Variants in PALS1 observed in about 807,000 individuals in gnomAD.
PALS1 encodes the protein protein associated with LIN7 1, MAGUK p55 family member, also known as protein PALS1.
PALS1 carries 31 observed loss-of-function variants against 78.9 expected under a neutral mutation model. The ratio of observed to expected loss-of-function variants is 0.39; its 90% confidence interval spans 0.30 to 0.53. The LOEUF (loss-of-function observed/expected upper bound fraction) is 0.53. PALS1 is among the 20% of genes least tolerant of loss of function. The probability of loss-of-function intolerance (pLI) is 0.67; values close to 1 mark genes in which losing one functional copy is unlikely to be tolerated. For missense variants in PALS1, 704 were observed against 826.5 expected (o/e 0.85, Z 1.82); for synonymous variants, 276 against 270.9 (o/e 1.02, Z -0.18).
intron 2 of PALS1, 63 bp from the exon 3 acceptor site, chr14:67,278,955 C>G (rs887722918): frequency 2.4e-6 from 1 of 418,402 alleles, no homozygotes; most frequent in Non-Finnish European, 4.2e-6. Flanking sequence ...GAAGTGGGCT[C>G]TGTAAAAACC....
chr14:67,261,846 T>C (rs189791625), intron 1 of PALS1, among the ~76,000 whole-genome samples: 1 of 152,220 alleles, frequency 6.6e-6, no homozygotes, highest in Non-Finnish European at 1.5e-5. Flanking sequence ...TCTGTTAGCA[T>C]ATGTAACAGT....
chr14:67,321,147 G>C lies in PALS1; in HGVS notation c.1628G>C (p.Gly543Ala). The part of the protein sequence containing the change: ...RQAFEADIAA[G>A]KFIEHGEFEK... ...GCATTCGAGGCAGACATAGCAGCTG[G>C]AAAGTTCATTGAGCATGGTGAATTT... The change falls in exon 13 of 15, where the codon GGA becomes GCA. Residue 543 changes from glycine to alanine, a missense_variant. By Grantham distance (60) the Gly-to-Ala change is moderately conservative. Coordinates refer to ENST00000261681, the MANE Select transcript of PALS1 (RefSeq NM_022474.4). The C allele has an allele frequency of 6.2e-7, 1 of 1,614,182 alleles. No individual in the cohort carries two copies. The highest frequency in any genetic ancestry group is 8.5e-7 in the Non-Finnish European group (1 of 1,180,034).
chr14:67,327,434 ACTT>A, intron 14 of PALS1, among the ~76,000 whole-genome samples: 2 of 150,934 alleles, frequency 1.3e-5, no homozygotes, highest in South Asian at 4.2e-4. Flanking sequence ...AGGACGGATC[ACTT>A]TTTTTTTTTC....
rs149859529 is a variant in PALS1, at chr14:67,293,125, C to T, written c.576+406C>T. ...ATATAACGCCTAAGATTTATTATGT[C>T]TAGGTATTTGGAAGTTTTCCTCCTA... On this transcript the variant is annotated intron_variant, in intron 4 of 14. Transcript: ENST00000261681. 4.8e-3 allele frequency among the ~76,000 whole-genome samples: 731 copies of T among 152,046 alleles called. 11 individuals carry two copies. Among genetic ancestry groups the T allele is most frequent in the African/African-American group, 0.017 (702 of 41,496 alleles).
At chr14:67,279,797 A>G (rs1187005933) in intron 3 of PALS1, 1 of 368,962 alleles carries the variant, frequency 2.7e-6, no homozygotes, top group Non-Finnish European at 4.8e-6. Context: ...GGGCCCTAAC[A>G]TTTAAAGCCT....
intron 8 of PALS1, among the ~76,000 whole-genome samples, chr14:67,306,471 G>A (rs994561632): frequency 6.6e-6 from 1 of 151,910 alleles, no homozygotes; most frequent in Admixed American, 6.6e-5. Context: ...AGCCTCCCAA[G>A]TAGCTGGGAT....
intron 1 of PALS1, among the ~76,000 whole-genome samples, chr14:67,260,479 T>C (rs1009884404): frequency 6.6e-6 from 1 of 152,226 alleles, no homozygotes; most frequent in Non-Finnish European, 1.5e-5. Context: ...CCTCGGGGGC[T>C]TGCAATTAAT....
intron 4 of PALS1, among the ~76,000 whole-genome samples, chr14:67,299,841 G>A (rs1321233828): frequency 6.6e-6 from 1 of 152,178 alleles, no homozygotes; most frequent in Non-Finnish European, 1.5e-5. Flanking sequence ...CTGACTCAGT[G>A]TATTTTGTAT....
intron 8 of PALS1, among the ~76,000 whole-genome samples, chr14:67,308,064 A>C (rs1234884545): frequency 6.6e-6 from 1 of 152,038 alleles, no homozygotes; most frequent in African/African-American, 2.4e-5. Context: ...AACAACACAC[A>C]CTAGGGTCTT....
At chr14:67,280,963 CT>C (rs567184360) in intron 3 of PALS1, among the ~76,000 whole-genome samples, 256 of 149,918 alleles carry the variant, frequency 1.7e-3, no homozygotes, top group African/African-American at 5.8e-3. Context: ...GTGGTGCAAT[CT>C]TCGGCTCACA....
intron 1 of PALS1, among the ~76,000 whole-genome samples, chr14:67,258,897 A>G (rs1028347851): frequency 6.6e-6 from 1 of 151,954 alleles, no homozygotes; most frequent in Non-Finnish European, 1.5e-5. Flanking sequence ...GCTAGAGTGC[A>G]GTGGTGTGAT....
chr14:67,267,713 T>C (rs2084350576), intron 1 of PALS1, among the ~76,000 whole-genome samples: 1 of 152,230 alleles, frequency 6.6e-6, no homozygotes, highest in Admixed American at 6.5e-5. Flanking sequence ...TAGGACACTT[T>C]TATCACATGA....
intron 2 of PALS1, among the ~76,000 whole-genome samples, chr14:67,274,076 T>A (rs1243259918): frequency 6.6e-6 from 1 of 152,246 alleles, no homozygotes; most frequent in African/African-American, 2.4e-5. Flanking sequence ...GTAGGTTGCC[T>A]GTTCACTCTG....
At chr14:67,252,809 A>C (rs1055268103) in intron 1 of PALS1, among the ~76,000 whole-genome samples, 1 of 152,212 alleles carries the variant, frequency 6.6e-6, no homozygotes, top group Non-Finnish European at 1.5e-5. Context: ...CCTTGCTGTG[A>C]GCTAAATATT....
At position 67,321,222 on chromosome 14, in the gene PALS1, A is replaced by C. The variant is rs1037326665; in HGVS notation, c.1703A>C (p.Asn568Thr). Reference sequence around the variant, plus strand: ...ATAGATTCTGTACGGCAAGTGATCAACTCTGGCAAAATATGTCTTTTAAGT... The same window carrying C: ...ATAGATTCTGTACGGCAAGTGATCACCTCTGGCAAAATATGTCTTTTAAGT... ...TSIDSVRQVINSGKICLLSLR... is the reference protein window; with the variant it reads ...TSIDSVRQVITSGKICLLSLR... The change falls in exon 13 of 15, where the codon AAC becomes ACC. Residue 568 changes from asparagine (N) to threonine (T), a missense_variant. Physicochemically the swap from Asn to Thr is moderately conservative, Grantham distance 65. Transcript: ENST00000261681. 1.2e-6 allele frequency: 2 copies of C among 1,614,214 alleles called. No homozygotes were observed. The highest frequency in any genetic ancestry group is 1.7e-6 in the Non-Finnish European group (2 of 1,180,044).
intron 1 of PALS1, among the ~76,000 whole-genome samples, chr14:67,242,855 G>A (rs1029444964): frequency 6.6e-6 from 1 of 152,168 alleles, no homozygotes; most frequent in African/African-American, 2.4e-5. Flanking sequence ...AAATTAAGGT[G>A]GATTGATTAA....
intron 1 of PALS1, among the ~76,000 whole-genome samples, chr14:67,250,472 A>G (rs1241264257): frequency 6.6e-6 from 1 of 152,230 alleles, no homozygotes; most frequent in African/African-American, 2.4e-5. Context: ...TGAAAACTGT[A>G]TAAACTCCAG....
At position 67,329,932 on chromosome 14, in the gene PALS1, C is replaced by T. The variant is rs1222841150; in HGVS notation, c.1852-2848C>T. 8.6e-5 allele frequency among the ~76,000 whole-genome samples: 13 copies of T among 150,722 alleles called. No individual in the cohort carries two copies. In the South Asian group the frequency reaches 2.5e-3, roughly 29 times the overall value. The stretch of plus-strand genomic sequence containing the variant: ...GTTACTCACTGGATGCAAAATGTAA[C>T]CAACCAGTTATGTAATTGTACTCTG... On this transcript the variant is annotated intron_variant, in intron 14 of 14. Coordinates refer to ENST00000261681, the MANE Select transcript of PALS1 (RefSeq NM_022474.4).
intron 1 of PALS1, among the ~76,000 whole-genome samples, chr14:67,251,216 A>G (rs1445947876): frequency 6.6e-6 from 1 of 152,154 alleles, no homozygotes; most frequent in African/African-American, 2.4e-5. Flanking sequence ...GATGAAAGCC[A>G]TTTTCCACTT....
Sources: allele counts gnomAD v4.1 joint callset (sites outside exome capture counted in the v4.1 genomes callset), GRCh38; gene constraint gnomAD v4.1.1; transcripts MANE v1.5; gene names NCBI Gene and HGNC (gene_info 2026-07-23, HGNC 2026-07-21).